Variants in PRR5L observed in about 807,000 individuals in gnomAD.
PRR5L encodes the protein proline rich 5 like, also known as proline-rich protein 5-like.
A neutral mutation model predicts 36.4 loss-of-function variants in PRR5L; 21 were observed. The observed-to-expected ratio is 0.58, with a 90% CI of 0.41 to 0.83. The LOEUF (loss-of-function observed/expected upper bound fraction) is 0.83, where lower values mean the gene tolerates loss of function less well. Ranked by LOEUF, PRR5L falls within the 40% of genes least tolerant of loss-of-function variation. The pLI, the probability that PRR5L is intolerant of heterozygous loss-of-function variation, is 0.00. For missense variants in PRR5L, 381 were observed against 473.3 expected (o/e 0.80, Z 1.81); for synonymous variants, 188 against 197.0 (o/e 0.95, Z 0.38).
intron 1 of PRR5L, chr11:36,321,571 A>G (rs933319821): frequency 1.3e-5 from 2 of 152,278 alleles, no homozygotes; most frequent in African/African-American, 4.8e-5. Flanking sequence ...CAGTGCCCAT[A>G]CAGCATGCCT....
intron 1 of PRR5L, among the ~76,000 whole-genome samples, chr11:36,343,664 C>T (rs1410923636): frequency 1.3e-5 from 2 of 152,118 alleles, no homozygotes; most frequent in African/African-American, 4.8e-5. Context: ...TAACTTTCAC[C>T]CATCAGCCTT....
At chr11:36,346,169 T>G (rs963236959) in intron 1 of PRR5L, among the ~76,000 whole-genome samples, 1 of 152,220 alleles carries the variant, frequency 6.6e-6, no homozygotes, top group Non-Finnish European at 1.5e-5. Context: ...AGATGGGGCC[T>G]TATTATTTGA....
In PRR5L at chr11:36,401,179, C is replaced by T. The variant is rs780212600; in HGVS notation, c.58C>T (p.Arg20Cys). Reference protein sequence around the residue: ...PVEFHKMGSFRRPRPRFMSSP... With the variant: ...PVEFHKMGSFCRPRPRFMSSP... ...CGAGTTCCACAAGATGGGCTCCTTC[C>T]GCAGGCCTAGACCGCGCTTCATGAG... Residue 20 changes from arginine to cysteine, a missense_variant, in exon 2 of 9, where the codon CGC (arginine) becomes TGC (cysteine). Arg to Cys is a radical substitution (Grantham distance 180). Transcript: ENST00000530639. 1.6e-5 allele frequency: 26 copies of T among 1,614,042 alleles called. No individual in the cohort carries two copies. Among genetic ancestry groups the T allele is most frequent in the African/African-American group, 2.7e-5 (2 of 74,940 alleles).
chr11:36,455,734 G>A (rs1436157449), intron 8 of PRR5L, among the ~76,000 whole-genome samples: 1 of 152,184 alleles, frequency 6.6e-6, no homozygotes, highest in Non-Finnish European at 1.5e-5. Context: ...AGTGTCGGTC[G>A]CTGTCTGCCA....
chr11:36,437,393 CGCATTGAGGTTCTG>C lies in PRR5L; in HGVS notation c.364_377del (p.Ile122Ter). ...TTCTCGCCCTCTTGTAGGTGAAAAT[CGCATTGAGGTTCTG>C]GCTGAAGTCTGGGACCACTTCTTCA... On this transcript the variant is annotated frameshift_variant, in exon 6 of 9. Coordinates refer to ENST00000530639, the MANE Select transcript of PRR5L (RefSeq NM_001160167.2). LOFTEE classifies it high-confidence loss of function. 6.2e-7 allele frequency: 1 copy of C among 1,608,192 alleles called. No individual in the cohort carries two copies.
intron 8 of PRR5L, among the ~76,000 whole-genome samples, chr11:36,458,816 C>G (rs994525201): frequency 1.3e-5 from 2 of 152,234 alleles, no homozygotes; most frequent in African/African-American, 4.8e-5. Context: ...GGTGTTCCCC[C>G]TCCTGTCCAA....
chr11:36,409,334 GAC>G (rs1273781921), intron 3 of PRR5L, among the ~76,000 whole-genome samples: 1 of 152,162 alleles, frequency 6.6e-6, no homozygotes, highest in East Asian at 1.9e-4. Flanking sequence ...GCCGGCCTGA[GAC>G]AGGAAACGCA....
intron 1 of PRR5L, among the ~76,000 whole-genome samples, chr11:36,396,409 G>A (rs1857660971): frequency 6.6e-6 from 1 of 152,232 alleles, no homozygotes; most frequent in Non-Finnish European, 1.5e-5. Context: ...AAAGGGCTAA[G>A]GAGGCAAGCC....
At chr11:36,451,832 G>A (rs1415457815) in intron 8 of PRR5L, among the ~76,000 whole-genome samples, 2 of 152,188 alleles carry the variant, frequency 1.3e-5, no homozygotes, top group Non-Finnish European at 2.9e-5. Flanking sequence ...CACATGGCAA[G>A]GAAAGGGGCT....
rs183893858 is a variant in PRR5L, at chr11:36,321,966, T to G, written c.-126+25528T>G. Among the ~76,000 whole-genome samples the G allele has an allele frequency of 3.2e-3, 486 of 152,288 alleles. 8 individuals are homozygous for G. Among genetic ancestry groups the G allele is most frequent in the African/African-American group, 0.011 (459 of 41,556 alleles). ...AGCCCACTTATTTAATGTCGTTTTA[T>G]CTTAATTACTTTTTCAAAGCCTCTG... On this transcript the variant is annotated intron_variant, in intron 1 of 8. Coordinates refer to ENST00000530639, the MANE Select transcript of PRR5L (RefSeq NM_001160167.2).
intron 1 of PRR5L, among the ~76,000 whole-genome samples, chr11:36,349,479 A>G (rs902276026): frequency 1.3e-5 from 2 of 152,138 alleles, no homozygotes; most frequent in African/African-American, 4.8e-5. Flanking sequence ...AGTAGGACCC[A>G]GGTTTCCTGC....
At chr11:36,458,944 G>A (rs1473654671) in intron 8 of PRR5L, among the ~76,000 whole-genome samples, 2 of 152,198 alleles carry the variant, frequency 1.3e-5, no homozygotes, top group African/African-American at 2.4e-5. Flanking sequence ...AGAGATATGG[G>A]CACTGTGGAA....
chr11:36,453,180 G>A (rs976914384), intron 8 of PRR5L, among the ~76,000 whole-genome samples: 5 of 152,226 alleles, frequency 3.3e-5, no homozygotes, highest in Admixed American at 2.0e-4. Context: ...CCTGGTAGAA[G>A]TGGGATGGGA....
chr11:36,451,185 G>T (rs1359905289), intron 7 of PRR5L, 24 bp from the exon 8 acceptor site: 2 of 1,613,404 alleles, frequency 1.2e-6, no homozygotes, highest in Admixed American at 3.3e-5. Context: ...TGACCTTTGT[G>T]TATCTTGGCT....
chr11:36,306,062 G>A (rs1009266957), intron 1 of PRR5L, among the ~76,000 whole-genome samples: 9 of 151,864 alleles, frequency 5.9e-5, no homozygotes, highest in Non-Finnish European at 1.0e-4. Flanking sequence ...CTTTTTTATG[G>A]CTGAATAGTA....
At chr11:36,333,014 A>G (rs1856734592) in intron 1 of PRR5L, among the ~76,000 whole-genome samples, 1 of 152,098 alleles carries the variant, frequency 6.6e-6, no homozygotes, top group South Asian at 2.1e-4. Context: ...ACTCCAATCT[A>G]CCATCATCTG....
At chr11:36,347,853 A>G (rs1373908955) in intron 1 of PRR5L, among the ~76,000 whole-genome samples, 1 of 151,962 alleles carries the variant, frequency 6.6e-6, no homozygotes. Flanking sequence ...AAAAGTTCCT[A>G]TGGTGGTTCA....
chr11:36,400,819 G>C (rs1227398308), intron 1 of PRR5L, among the ~76,000 whole-genome samples, 178 bp from the exon 2 acceptor site: 1 of 152,178 alleles, frequency 6.6e-6, no homozygotes, highest in Non-Finnish European at 1.5e-5. Context: ...TGACCACACT[G>C]TTACAACCGA....
Position 36,462,609 on chromosome 11 carries a change from C to T in PRR5L, c.980C>T (p.Pro327Leu). ...SSENKCLLLP[P>L]SFPPPHRQCS... is the part of the protein sequence containing the mutation. ...GAGAACAAGTGCCTGCTCCTGCCAC[C>T]CAGCTTCCCCCCGCCCCACCGGCAG... Residue 327 changes from proline (P) to leucine (L), a missense_variant, in exon 9 of 9, where the codon CCC becomes CTC. Pro to Leu is a moderately conservative substitution (Grantham distance 98, BLOSUM62 -3). Coordinates refer to ENST00000530639, the MANE Select transcript of PRR5L (RefSeq NM_001160167.2). 1 of 1,612,574 alleles carries T rather than the reference C, an allele frequency of 6.2e-7. No homozygotes were observed. Among genetic ancestry groups the T allele is most frequent in the African/African-American group, 1.3e-5 (1 of 75,000 alleles).
Sources: allele counts gnomAD v4.1 joint callset (sites outside exome capture counted in the v4.1 genomes callset), GRCh38; gene constraint gnomAD v4.1.1; transcripts MANE v1.5; gene names NCBI Gene and HGNC (gene_info 2026-07-23, HGNC 2026-07-21).